PLEKHO2: variants seen among roughly 807,000 people sequenced by gnomAD.
The protein encoded by PLEKHO2 is pleckstrin homology domain containing O2.
In PLEKHO2, 20 loss-of-function variants were observed where a neutral mutation model predicts 32.7. The observed-to-expected ratio is 0.61, with a 90% CI of 0.43 to 0.89. The LOEUF is 0.89. Ranked by LOEUF, PLEKHO2 falls within the 40% of genes least tolerant of loss-of-function variation. The pLI, the probability that PLEKHO2 is intolerant of heterozygous loss-of-function variation, is 0.00. For missense variants in PLEKHO2, 568 were observed against 621.2 expected, an observed-to-expected ratio of 0.91 and a Z score of 0.91; for synonymous variants, 247 against 246.3, an observed-to-expected ratio of 1.00 and a Z score of -0.03.
chr15:64,844,712 T>C (rs1220842131), intron 1 of PLEKHO2, among the ~76,000 whole-genome samples: 1 of 152,182 alleles, frequency 6.6e-6, no homozygotes, highest in East Asian at 1.9e-4. Context: ...TTTGATAACC[T>C]TTTGTGCCTT....
intron 3 of PLEKHO2, among the ~76,000 whole-genome samples, chr15:64,855,821 C>T (rs2084602996): frequency 2.0e-5 from 3 of 152,162 alleles, no homozygotes; most frequent in African/African-American, 4.8e-5. Flanking sequence ...TGTGGAGCCT[C>T]GCAGAATAGG....
At chr15:64,855,634 G>A (rs2084601663) in intron 3 of PLEKHO2, among the ~76,000 whole-genome samples, 1 of 152,180 alleles carries the variant, frequency 6.6e-6, no homozygotes, top group Non-Finnish European at 1.5e-5. Context: ...GTGTACAGAT[G>A]AAGTTTGCTG....
At chr15:64,845,474 G>A (rs115338211) in intron 1 of PLEKHO2, among the ~76,000 whole-genome samples, 2,466 of 152,014 alleles carry the variant, frequency 0.016, 61 homozygotes, top group African/African-American at 0.056. Flanking sequence ...GCATAGCCAG[G>A]CCCCCCTGGA....
intron 5 of PLEKHO2, among the ~76,000 whole-genome samples, chr15:64,864,339 C>A (rs1156323390): frequency 2.0e-5 from 3 of 152,048 alleles, no homozygotes; most frequent in South Asian, 2.1e-4. Context: ...GCTGGACAGG[C>A]AAAAGCTGGA....
intron 1 of PLEKHO2, among the ~76,000 whole-genome samples, chr15:64,844,899 A>G (rs1401641856): frequency 6.6e-6 from 1 of 152,212 alleles, no homozygotes; most frequent in African/African-American, 2.4e-5. Flanking sequence ...CCTCTCAAGC[A>G]GGAGATTACC....
chr15:64,849,132 C>T (rs1416151089), intron 2 of PLEKHO2, among the ~76,000 whole-genome samples: 2 of 151,318 alleles, frequency 1.3e-5, no homozygotes, highest in Non-Finnish European at 2.9e-5. Context: ...GGCATGCATG[C>T]CACCATGCCC....
intron 1 of PLEKHO2, among the ~76,000 whole-genome samples, chr15:64,844,668 CT>C (rs1382313739): frequency 1.3e-5 from 2 of 152,134 alleles, no homozygotes; most frequent in Non-Finnish European, 2.9e-5. Context: ...TGTACTTTCT[CT>C]TTCTATAGTA....
At chr15:64,852,141 C>G (rs2084574309) in intron 2 of PLEKHO2, among the ~76,000 whole-genome samples, 1 of 152,158 alleles carries the variant, frequency 6.6e-6, no homozygotes, top group South Asian at 2.1e-4. Flanking sequence ...CTCCTAGCAC[C>G]TCATAGGGTG....
At chr15:64,855,607 T>C (rs2084601451) in intron 3 of PLEKHO2, among the ~76,000 whole-genome samples, 1 of 152,222 alleles carries the variant, frequency 6.6e-6, no homozygotes, top group African/African-American at 2.4e-5. Context: ...AGAGAGTCTT[T>C]CCCTGGGACA....
chr15:64,843,582 CTTTT>C (rs778238354), intron 1 of PLEKHO2, among the ~76,000 whole-genome samples: 1 of 141,416 alleles, frequency 7.1e-6, no homozygotes, highest in Non-Finnish European at 1.6e-5. Context: ...ACTTTCTTTT[CTTTT>C]TTTTTTTTTT....
rs371181609 is a variant in PLEKHO2 at position 64,864,991 on chromosome 15, T to A, written c.576T>A (p.Ser192Arg). ...PPVFAPSNHVSEAQPRETPRP... is the reference protein window; with the variant it reads ...PPVFAPSNHVREAQPRETPRP... Reference sequence around the variant, plus strand: ...TGTTTGCCCCCAGCAATCATGTCAGTGAAGCCCAACCTCGGGAGACACCCC... The same window carrying A: ...TGTTTGCCCCCAGCAATCATGTCAGAGAAGCCCAACCTCGGGAGACACCCC... The change falls in exon 6 of 6, where the codon AGT becomes AGA. Residue 192 changes from serine (S) to arginine (R), a missense_variant. By Grantham distance (110) the Ser-to-Arg change is moderately radical. Transcript: ENST00000323544. 2 of 1,614,060 alleles carry A rather than the reference T, an allele frequency of 1.2e-6. No individual in the cohort carries two copies. Among genetic ancestry groups the A allele is most frequent in the African/African-American group, 1.3e-5 (1 of 75,008 alleles).
intron 3 of PLEKHO2, among the ~76,000 whole-genome samples, chr15:64,857,411 C>G (rs2084612516): frequency 6.6e-6 from 1 of 152,182 alleles, no homozygotes; most frequent in African/African-American, 2.4e-5. Flanking sequence ...TCTCAGCTTG[C>G]TGCAACTTCT....
Position 64,865,590 on chromosome 15 carries a change from G to A in PLEKHO2, c.1175G>A (p.Gly392Glu), listed in dbSNP as rs758168663. 16 of 1,614,224 alleles carry A rather than the reference G, an allele frequency of 9.9e-6. No individual in the cohort carries two copies. The highest frequency in any genetic ancestry group is 1.3e-5 in the Non-Finnish European group (15 of 1,180,024). Residue 392 changes from glycine (G) to glutamate (E), a missense_variant, in exon 6 of 6, where the codon GGG (glycine) becomes GAG (glutamate). Coordinates refer to ENST00000323544, the MANE Select transcript of PLEKHO2 (RefSeq NM_025201.5). ...PQFHPRCSSL[G>E]DLLGEGPRHP... The stretch of plus-strand genomic sequence containing the variant: ...TTCCATCCCCGCTGCTCCTCCCTTG[G>A]GGACTTGCTTGGGGAAGGCCCGCGG...
intron 3 of PLEKHO2, among the ~76,000 whole-genome samples, chr15:64,856,104 G>A (rs1371724203): frequency 6.6e-6 from 1 of 152,090 alleles, no homozygotes; most frequent in Non-Finnish European, 1.5e-5. Flanking sequence ...AGTGTTATGA[G>A]GGCTCATGGG....
intron 2 of PLEKHO2, 75 bp from the exon 3 acceptor site, chr15:64,854,846 C>A: frequency 8.6e-7 from 1 of 1,165,538 alleles, no homozygotes; most frequent in Non-Finnish European, 1.3e-6. Context: ...GGATCAGGGT[C>A]TGGGACATGA....
chr15:64,846,961 A>C (rs961282195), intron 1 of PLEKHO2, among the ~76,000 whole-genome samples: 1 of 152,264 alleles, frequency 6.6e-6, no homozygotes, highest in East Asian at 1.9e-4. Flanking sequence ...CTGAGGGTAC[A>C]GGAGTGAACA....
chr15:64,842,679 C>G (rs1183925265), intron 1 of PLEKHO2, among the ~76,000 whole-genome samples: 1 of 152,116 alleles, frequency 6.6e-6, no homozygotes, highest in African/African-American at 2.4e-5. Context: ...ATCGGGAGTC[C>G]GGCCCACCTA....
At chr15:64,848,567 T>G (rs1485824756) in intron 1 of PLEKHO2, 26 bp from the exon 2 acceptor site, 4 of 1,613,646 alleles carry the variant, frequency 2.5e-6, no homozygotes, top group Non-Finnish European at 3.4e-6. Flanking sequence ...GCAACCCTCA[T>G]GGTATGAACT....
chr15:64,865,479 CCT>C lies in PLEKHO2; in HGVS notation c.1068_1069del (p.Gln357GlyfsTer2), dbSNP rs1471195227. 6.2e-7 allele frequency: 1 copy of C among 1,614,032 alleles called. No homozygotes were observed. On this transcript the variant is annotated frameshift_variant, in exon 6 of 6. Coordinates refer to ENST00000323544, the MANE Select transcript of PLEKHO2 (RefSeq NM_025201.5). LOFTEE classifies it low-confidence loss of function (END_TRUNC). Reference sequence around the variant, plus strand: ...GATGACAGTCCTGAGCCTGCCAAGCCCTCTCAGGCTGAGGGCACCCCAGGAAC... The same window carrying C: ...GATGACAGTCCTGAGCCTGCCAAGCCCTCAGGCTGAGGGCACCCCAGGAAC...
Sources: allele counts gnomAD v4.1 joint callset (sites outside exome capture counted in the v4.1 genomes callset), GRCh38; gene constraint gnomAD v4.1.1; transcripts MANE v1.5; gene names NCBI Gene and HGNC (gene_info 2026-07-23, HGNC 2026-07-21).